CHRNA4: variants seen among roughly 807,000 people sequenced by gnomAD.
The protein encoded by CHRNA4 is neuronal acetylcholine receptor subunit alpha-4.
In CHRNA4, 28 loss-of-function variants were observed where a neutral mutation model predicts 48.9. The ratio of observed to expected loss-of-function variants is 0.57; its 90% CI spans 0.42 to 0.79. The LOEUF is 0.79. Among genes scored for constraint, CHRNA4 ranks in the 30% least tolerant of loss-of-function variants. The probability of loss-of-function intolerance (pLI) is 0.00; values close to 1 mark genes in which losing one functional copy is unlikely to be tolerated. For missense variants in CHRNA4, 859 were observed against 898.4 expected, an observed-to-expected ratio of 0.96 and a Z score of 0.56; for synonymous variants, 425 against 402.3, an observed-to-expected ratio of 1.06 and a Z score of -0.68.
Position 63,353,038 on chromosome 20 carries a change from T to A in CHRNA4, c.384-2011A>T, listed in dbSNP as rs184345314. 7.2e-5 allele frequency among the ~76,000 whole-genome samples: 11 copies of A among 152,184 alleles called. No individual in the cohort carries two copies. In the East Asian group the frequency reaches 1.2e-3, roughly 16 times the overall value. On this transcript the variant is annotated intron_variant, in intron 4 of 5. Transcript: ENST00000370263. Reference sequence around the variant, plus strand: ...CTGAGGAGCCGCCCAGTCCAGCAGGTCCAGGTTCCTGCTCCAGGGCCCACA... The same window carrying A: ...CTGAGGAGCCGCCCAGTCCAGCAGGACCAGGTTCCTGCTCCAGGGCCCACA...
At position 63,350,316 on chromosome 20, in the gene CHRNA4, C is replaced by T. The variant is rs773525149; in HGVS notation, c.1095G>A (p.Lys365=). 1.2e-5 allele frequency: 19 copies of T among 1,613,278 alleles called. No individual in the cohort carries two copies. In the South Asian group the frequency reaches 1.4e-4, roughly 12 times the overall value. The change falls in exon 5 of 6, where the codon AAG becomes AAA. Residue 365 remains lysine (K), a synonymous_variant. Transcript: ENST00000370263. ...LLLMKRPSVV[K]DNCRRLIESM... is the part of the protein sequence containing the mutation. Reference sequence around the variant, plus strand: ...ACTCGATGAGCCGCCGGCAATTGTCCTTGACCACGGACGGCCGCTTCATGA... The same window carrying T: ...ACTCGATGAGCCGCCGGCAATTGTCTTTGACCACGGACGGCCGCTTCATGA...
intron 4 of CHRNA4, among the ~76,000 whole-genome samples, chr20:63,351,413 G>A (rs973713529): frequency 2.6e-5 from 4 of 152,318 alleles, no homozygotes; most frequent in Admixed American, 2.6e-4. Flanking sequence ...AGGGACCTAC[G>A]AGTGCCTGAC....
chr20:63,347,989 G>A (rs1390409321), intron 5 of CHRNA4, among the ~76,000 whole-genome samples: 1 of 152,234 alleles, frequency 6.6e-6, no homozygotes, highest in African/African-American at 2.4e-5. Context: ...CTGGGGGCGG[G>A]GACGCGGCCG....
intron 4 of CHRNA4, among the ~76,000 whole-genome samples, chr20:63,354,376 C>T (rs1469944723): frequency 7.4e-6 from 1 of 134,362 alleles, no homozygotes; most frequent in Non-Finnish European, 1.6e-5. Flanking sequence ...AACTGTGATC[C>T]TTGTGGGGGC....
chr20:63,354,035 C>T (rs1167240025), intron 4 of CHRNA4, among the ~76,000 whole-genome samples: 1 of 128,418 alleles, frequency 7.8e-6, no homozygotes, highest in Non-Finnish European at 1.6e-5. Flanking sequence ...GTGTTGTAGT[C>T]CTAGGGGGCT....
intron 4 of CHRNA4, among the ~76,000 whole-genome samples, chr20:63,352,477 G>A (rs1601481857): frequency 6.6e-6 from 1 of 152,178 alleles, no homozygotes; most frequent in African/African-American, 2.4e-5. Flanking sequence ...CCCAGCAAGA[G>A]CCACCAGCTG....
intron 2 of CHRNA4, among the ~76,000 whole-genome samples, chr20:63,357,068 C>CA (rs1568817573): frequency 8.8e-5 from 13 of 147,510 alleles, no homozygotes; most frequent in African/African-American, 2.5e-4. Context: ...CACATCTCCA[C>CA]GGACCACGTC....
chr20:63,343,672 G>A lies in CHRNA4; in HGVS notation c.*3066C>T, dbSNP rs772024737. On this transcript the variant is annotated 3_prime_UTR_variant, in exon 6 of 6. Transcript: ENST00000370263. ...ACCCAGGCCGGTCCGGAGGCAGAAG[G>A]GGCTGGGAAGCCCTGGCCAGGGCCT... 1.3e-5 allele frequency: 6 copies of A among 447,582 alleles called. No homozygotes were observed. The highest frequency in any genetic ancestry group is 9.4e-5 in the South Asian group (6 of 64,038). 27.7% of individuals were successfully genotyped at this position (447,582 alleles called of 1,614,324 possible).
In CHRNA4 at chr20:63,359,323, A is replaced by G; in HGVS notation, c.228+225T>C. ...TGGCCACTTGGAGTGTTCCCACGTC[A>G]AGGGGGAGGAAAGGGCAGGGCCTGG... On this transcript the variant is annotated intron_variant, in intron 2 of 5. Transcript: ENST00000370263. 3 of 625,642 alleles carry G rather than the reference A, an allele frequency of 4.8e-6. No homozygotes were observed. In the South Asian group the frequency reaches 5.3e-5, roughly 11 times the overall value. 38.8% of individuals were successfully genotyped at this position (625,642 alleles called of 1,614,324 possible). A position where few individuals can be genotyped will look rare whatever the true frequency, so the allele number is the denominator to read the frequency against.
chr20:63,353,262 G>A (rs1340429958), intron 4 of CHRNA4, among the ~76,000 whole-genome samples: 8 of 152,318 alleles, frequency 5.3e-5, no homozygotes, highest in African/African-American at 1.2e-4. Context: ...CCTCCTCAGC[G>A]GGAGCAGACC....
chr20:63,357,131 C>CA (rs1326033629), intron 2 of CHRNA4, among the ~76,000 whole-genome samples: 12 of 127,918 alleles, frequency 9.4e-5, no homozygotes, highest in African/African-American at 3.6e-4. Flanking sequence ...CACGTCTCCA[C>CA]GGACCGTGTC....
chr20:63,346,962 C>T, intron 5 of CHRNA4, 99 bp from the exon 6 acceptor site: 2 of 1,553,480 alleles, frequency 1.3e-6, no homozygotes, highest in Non-Finnish European at 1.8e-6. Flanking sequence ...TCTCCACCTC[C>T]CACCTTCCAC....
In CHRNA4 at chr20:63,349,752, C is replaced by T. The variant is rs1044397; in HGVS notation, c.1659G>A (p.Ala553=). 830,814 of 1,611,664 alleles carry T rather than the reference C, an allele frequency of 0.52. 222,578 individuals are homozygous for T. Among genetic ancestry groups the T allele is most frequent in the Non-Finnish European group, 0.55 (653,295 of 1,179,212 alleles). Residue 553 remains alanine, a synonymous_variant, in exon 5 of 6, where the codon GCG becomes GCA. Coordinates refer to ENST00000370263, the MANE Select transcript of CHRNA4 (RefSeq NM_000744.7). ...GCGACAGGGGCAGGTGCGGGGGCGG[C>T]GCTTTGGTGCTGCGGGTCTTGACCG... The part of the protein sequence containing the change: ...SATVKTRSTK[A]PPPHLPLSPA...
Position 63,350,700 on chromosome 20 carries a change from G to A in CHRNA4, c.711C>T (p.Phe237=), listed in dbSNP as rs144446511. The change falls in exon 5 of 6, where the codon TTC becomes TTT. Residue 237 remains phenylalanine, a synonymous_variant. Transcript: ENST00000370263. ...AGAAGAGCGGCAGCCGCCGGATGAC[G>A]AAGGCATAGGTGATGTCCGGGTAGA... ...AEIYPDITYA[F]VIRRLPLFYT... 4.2e-5 allele frequency: 67 copies of A among 1,613,956 alleles called. No homozygotes were observed. In the East Asian group the frequency reaches 8.7e-4, roughly 21 times the overall value.
chr20:63,356,210 G>T, intron 3 of CHRNA4, 126 bp from the exon 4 acceptor site: 3 of 743,706 alleles, frequency 4.0e-6, no homozygotes, highest in Non-Finnish European at 6.5e-6. Context: ...GTGTGAGGGA[G>T]GGCAGGGGCG....
At position 63,346,745 on chromosome 20, in the gene CHRNA4, A is replaced by ATGCC. The variant is rs1464323986; in HGVS notation, c.1873_1876dup (p.Met626ArgfsTer123). The ATGCC allele has an allele frequency of 1.2e-6, 2 of 1,609,534 alleles. No individual in the cohort carries two copies. The highest frequency in any genetic ancestry group is 1.7e-6 in the Non-Finnish European group (2 of 1,179,420). On this transcript the variant is annotated frameshift_variant, in exon 6 of 6. Coordinates refer to ENST00000370263, the MANE Select transcript of CHRNA4 (RefSeq NM_000744.7). LOFTEE classifies it high-confidence loss of function. ...CAGGCTCCCGGTCCCTTCCTAGATC[A>ATGCC]TGCCAGCCAGCCAGGGCGGCAGGAA...
Position 63,351,252 on chromosome 20 carries a change from G to A in CHRNA4, c.384-225C>T, listed in dbSNP as rs368599972. 327 of 376,890 alleles carry A rather than the reference G, an allele frequency of 8.7e-4. 11 individuals carry two copies. Among genetic ancestry groups the A allele is most frequent in the South Asian group, 5.9e-3 (271 of 45,806 alleles). 23.3% of individuals were successfully genotyped at this position (376,890 alleles called of 1,614,324 possible). ...CATCCACACCCACGTCCACGTCCAC[G>A]TCCACGTCCACACACAGAGGCATTC... On this transcript the variant is annotated intron_variant, in intron 4 of 5. Coordinates refer to ENST00000370263, the MANE Select transcript of CHRNA4 (RefSeq NM_000744.7).
intron 4 of CHRNA4, chr20:63,354,575 G>T: frequency 1.3e-6 from 1 of 798,572 alleles, no homozygotes; most frequent in Non-Finnish European, 1.5e-6. Flanking sequence ...GTCCTGGTGA[G>T]GCTGTGGAAG....
chr20:63,346,894 G>A lies in CHRNA4; in HGVS notation c.1759-31C>T, dbSNP rs199842495. The A allele has an allele frequency of 9.6e-5, 155 of 1,611,422 alleles. 1 individual carries two copies. In the Middle Eastern group the frequency reaches 2.5e-3, roughly 26 times the overall value. On this transcript the variant is annotated intron_variant, in intron 5 of 5. Transcript: ENST00000370263. ...AGCACAGACGCCGTCACTCCAGCAC[G>A]GCCCGGCCGCCGCCAGCGGGGACAG...
Sources: gnomAD v4.1 joint callset for allele counts (sites outside exome capture counted in the v4.1 genomes callset) on GRCh38, gnomAD v4.1.1 for gene constraint, MANE v1.5 for transcripts, NCBI Gene and HGNC (gene_info 2026-07-23, HGNC 2026-07-21) for gene names.